PMM2: variants seen among roughly 807,000 people sequenced by gnomAD.
The protein encoded by PMM2 is mannose-6-phosphate isomerase.
PMM2 carries 35 observed loss-of-function variants against 33.2 expected under a neutral mutation model. That is an observed-to-expected ratio of 1.06 (90% confidence interval 0.81 to 1.40). The LOEUF is 1.40. PMM2 is among the 40% of genes most tolerant of loss of function. The probability of loss-of-function intolerance (pLI) is 0.00; values close to 1 mark genes in which losing one functional copy is unlikely to be tolerated. For missense variants in PMM2, 386 were observed against 306.0 expected (o/e 1.26, Z -1.95); for synonymous variants, 153 against 114.7 (o/e 1.33, Z -2.13).
chr16:8,821,427 G>A (rs551172303), intron 7 of PMM2, among the ~76,000 whole-genome samples: 1 of 152,186 alleles, frequency 6.6e-6, no homozygotes, highest in Non-Finnish European at 1.5e-5. Context: ...GAATAGGACT[G>A]TGGCTAACAA....
chr16:8,846,822 A>C (rs2060928699), intron 7 of PMM2, among the ~76,000 whole-genome samples: 1 of 152,074 alleles, frequency 6.6e-6, no homozygotes, highest in Admixed American at 6.5e-5. Flanking sequence ...TGTTCCAGAG[A>C]CCCTGCTTTT....
At chr16:8,821,347 T>G (rs557891146) in intron 7 of PMM2, among the ~76,000 whole-genome samples, 1 of 152,144 alleles carries the variant, frequency 6.6e-6, no homozygotes, top group Non-Finnish European at 1.5e-5. Flanking sequence ...GCTTCAGATG[T>G]TCCTGCTAGC....
Position 8,799,935 on chromosome 16 carries a change from C to G in PMM2, c.67-1864C>G, listed in dbSNP as rs139982720. On this transcript the variant is annotated intron_variant, in intron 1 of 7. Coordinates refer to ENST00000268261, the MANE Select transcript of PMM2 (RefSeq NM_000303.3). ...GAAAAGATTGCACTCTATTACAAAC[C>G]CTTCTGTACAATTTTAATCACATTC... Among the ~76,000 whole-genome samples, 113 of 152,300 alleles carry G rather than the reference C, an allele frequency of 7.4e-4. 1 individual carries two copies. In the East Asian group the frequency reaches 0.02, roughly 27 times the overall value.
At chr16:8,841,299 T>C (rs568363240) in intron 7 of PMM2, among the ~76,000 whole-genome samples, 7,228 of 148,920 alleles carry the variant, frequency 0.049, 205 homozygotes, top group Middle Eastern at 0.13. Context: ...TGAGGAATTA[T>C]GTCTGACAGA....
intron 1 of PMM2, among the ~76,000 whole-genome samples, chr16:8,799,678 G>T (rs1411821959): frequency 6.6e-6 from 1 of 152,052 alleles, no homozygotes; most frequent in African/African-American, 2.4e-5. Context: ...CAACCAAGTA[G>T]CTGGTGCTAC....
chr16:8,820,351 C>CTTTTTTTTTTTTTTTTTT (rs545958069), intron 7 of PMM2, among the ~76,000 whole-genome samples: 21 of 133,130 alleles, frequency 1.6e-4, no homozygotes, highest in African/African-American at 6.2e-4. Flanking sequence ...CACAGTTCTT[C>CTTTTTTTTTTTTTTTTTT]TTTTTTTTTT....
At chr16:8,815,539 C>G (rs1461328979) in intron 7 of PMM2, among the ~76,000 whole-genome samples, 1 of 151,394 alleles carries the variant, frequency 6.6e-6, no homozygotes, top group Non-Finnish European at 1.5e-5. Context: ...TCAGAATATA[C>G]TCCATTTTCT....
chr16:8,813,006 T>C lies in PMM2; in HGVS notation c.539T>C (p.Phe180Ser), dbSNP rs1293479073. 7.4e-6 allele frequency: 12 copies of C among 1,610,924 alleles called. No homozygotes were observed. The highest frequency in any genetic ancestry group is 1.0e-5 in the Non-Finnish European group (12 of 1,177,010). The change falls in exon 7 of 8, where the codon TTT becomes TCT. Residue 180 changes from phenylalanine (F) to serine (S), a missense_variant. Transcript: ENST00000268261. ...LTFSIGGQIS[F>S]DVFPDGWDKR... ...CACCCGGCAGGAGGCCAGATCAGCT[T>C]TGATGTCTTTCCTGATGGATGGGAC...
At chr16:8,841,947 G>A (rs1210759785) in intron 7 of PMM2, among the ~76,000 whole-genome samples, 3 of 148,726 alleles carry the variant, frequency 2.0e-5, no homozygotes, top group South Asian at 2.1e-4. Context: ...GAAATGTAGA[G>A]AGTGAGTTGA....
At chr16:8,828,946 G>A (rs563843081) in intron 7 of PMM2, among the ~76,000 whole-genome samples, 45 of 152,298 alleles carry the variant, frequency 3.0e-4, no homozygotes, top group Admixed American at 1.6e-3. Context: ...ATTCATCTGA[G>A]GCATGTGAGA....
At chr16:8,804,733 T>A (rs749549022) in intron 2 of PMM2, 34 bp from the exon 3 acceptor site, 2 of 1,453,282 alleles carry the variant, frequency 1.4e-6, no homozygotes, top group Non-Finnish European at 1.9e-6. Flanking sequence ...TTTGATTCTT[T>A]GCATTCTAAG....
intron 7 of PMM2, among the ~76,000 whole-genome samples, chr16:8,841,213 C>T (rs1226270270): frequency 6.6e-6 from 1 of 151,014 alleles, no homozygotes; most frequent in African/African-American, 2.4e-5. Flanking sequence ...TACTAAGAGC[C>T]TGAGAAACTG....
chr16:8,827,755 TA>T (rs2060779644), intron 7 of PMM2, among the ~76,000 whole-genome samples: 1 of 95,256 alleles, frequency 1.0e-5, no homozygotes, highest in Non-Finnish European at 2.0e-5. Flanking sequence ...TATATATATA[TA>T]TATATGCACA....
intron 7 of PMM2, among the ~76,000 whole-genome samples, chr16:8,829,423 T>C (rs958943856): frequency 6.6e-6 from 1 of 152,224 alleles, no homozygotes; most frequent in Non-Finnish European, 1.5e-5. Flanking sequence ...TTCTGTTTTA[T>C]GGAACCACAG....
rs1449566763 is a variant in PMM2, at chr16:8,835,827, G to T, written c.640-11897G>T. Reference sequence around the variant, plus strand: ...ATGAGATGGTAAGGGGTGCATGATTGGTTGCCAAGGAGGGAGTAGAGGTAT... The same window carrying T: ...ATGAGATGGTAAGGGGTGCATGATTTGTTGCCAAGGAGGGAGTAGAGGTAT... On this transcript the variant is annotated intron_variant, in intron 7 of 7. Transcript: ENST00000268261. 2.0e-5 allele frequency among the ~76,000 whole-genome samples: 3 copies of T among 151,892 alleles called. No homozygotes were observed. The East Asian group carries it at 5.8e-4, about 29-fold the overall frequency.
rs147303761 is a variant in PMM2, at chr16:8,799,464, CT to C, written c.66+1517del. 1.1e-3 allele frequency among the ~76,000 whole-genome samples: 171 copies of C among 152,300 alleles called. 5 individuals carry two copies. The East Asian group carries it at 0.03, about 27-fold the overall frequency. On this transcript the variant is annotated intron_variant, in intron 1 of 7. Coordinates refer to ENST00000268261, the MANE Select transcript of PMM2 (RefSeq NM_000303.3). ...TGGTTCCTGTCAAGTTTGCCATTTC[CT>C]ATCTGTGCTAAGGTGGAAGCTGTTC...
rs867302221 is a variant in PMM2, at chr16:8,841,768, T to C, written c.640-5956T>C. 7.8e-5 allele frequency among the ~76,000 whole-genome samples: 9 copies of C among 114,898 alleles called. 1 individual carries two copies. The highest frequency in any genetic ancestry group is 2.6e-4 in the Admixed American group (3 of 11,670). 75.4% of individuals were successfully genotyped at this position (114,898 alleles called of 152,430 possible). On this transcript the variant is annotated intron_variant, in intron 7 of 7. Transcript: ENST00000268261. ...CAGGTGGATCAGAGAAACACAGTCA[T>C]GGGGGTCAGGTGTGGTATCAGGAAT... is the stretch of plus-strand genomic sequence containing the variant.
chr16:8,805,485 A>T (rs2060642253), intron 3 of PMM2, among the ~76,000 whole-genome samples: 1 of 152,048 alleles, frequency 6.6e-6, no homozygotes, highest in Non-Finnish European at 1.5e-5. Context: ...TCAGCCTCCC[A>T]CGTAGCAGGG....
At chr16:8,807,252 C>T (rs2060653010) in intron 4 of PMM2, among the ~76,000 whole-genome samples, 1 of 152,006 alleles carries the variant, frequency 6.6e-6, no homozygotes, top group Middle Eastern at 3.4e-3. Context: ...ACTGATCCAC[C>T]CACCTTGGCC....
Sources: allele counts gnomAD v4.1 joint callset (sites outside exome capture counted in the v4.1 genomes callset), GRCh38; gene constraint gnomAD v4.1.1; transcripts MANE v1.5; gene names NCBI Gene and HGNC (gene_info 2026-07-23, HGNC 2026-07-21).